Variants in TRERF1 observed in about 807,000 individuals in gnomAD.
TRERF1 encodes the protein transcriptional regulating factor 1.
In TRERF1, 27 loss-of-function variants were observed where a neutral mutation model predicts 122.9. The ratio of observed to expected loss-of-function variants is 0.22; its 90% CI spans 0.16 to 0.30. TRERF1 has a LOEUF of 0.30. Ranked by LOEUF, TRERF1 falls within the 10% of genes least tolerant of loss-of-function variation. The pLI is 1.00. For missense variants in TRERF1, 1,248 were observed against 1,560.3 expected, an observed-to-expected ratio of 0.80 and a Z score of 3.37; for synonymous variants, 636 against 641.7, an observed-to-expected ratio of 0.99 and a Z score of 0.13.
Position 42,259,411 on chromosome 6 carries a change from C to T in TRERF1, c.2197G>A (p.Gly733Ser), listed in dbSNP as rs893594749. Residue 733 changes from glycine (G) to serine (S), a missense_variant, in exon 9 of 18, where the codon GGC becomes AGC. Gly to Ser is a moderately conservative substitution (Grantham distance 56). Around this residue, in one of 5 missense-constraint regions of TRERF1, gnomAD observed 946 missense variants for 1,073.0 expected, o/e 0.88. Transcript: ENST00000372922. This position sits in a 1 kb window ranked among gnomAD's most constrained non-coding sequence, Gnocchi z 4.9. ...GGCAGCTGCGGGTGGGCGCCAGGGCCGTGGCCGGAGATGAGGACATTGCTG... is the reference window on the plus strand; with the variant it reads ...GGCAGCTGCGGGTGGGCGCCAGGGCTGTGGCCGGAGATGAGGACATTGCTG... 2.6e-6 allele frequency: 4 copies of T among 1,550,602 alleles called. No individual in the cohort carries two copies. Among genetic ancestry groups the T allele is most frequent in the Non-Finnish European group, 3.5e-6 (4 of 1,156,616 alleles).
chr6:42,280,466 C>T (rs900131458), intron 4 of TRERF1, among the ~76,000 whole-genome samples: 5 of 152,142 alleles, frequency 3.3e-5, no homozygotes, highest in Middle Eastern at 3.2e-3. Flanking sequence ...TGCTCGTCTC[C>T]GGGACTCAGC....
At chr6:42,308,310 A>T (rs1450479079) in intron 3 of TRERF1, among the ~76,000 whole-genome samples, 1 of 152,260 alleles carries the variant, frequency 6.6e-6, no homozygotes, top group Non-Finnish European at 1.5e-5. Flanking sequence ...ACACTAATAC[A>T]TGCAACAACA....
chr6:42,256,764 A>AGC lies in TRERF1; in HGVS notation c.2542_2543dup (p.His850CysfsTer11). On this transcript the variant is annotated frameshift_variant, in exon 12 of 18. Transcript: ENST00000372922. LOFTEE classifies it high-confidence loss of function. ...CTTTGGCCTCAAACAGAGAGTGCAA[A>AGC]GCAAATTCAGAATTGGTCCCTCCAC... 6.2e-7 allele frequency: 1 copy of AGC among 1,614,248 alleles called. No homozygotes were observed. The highest frequency in any genetic ancestry group is 8.5e-7 in the Non-Finnish European group (1 of 1,180,044).
chr6:42,359,674 A>C (rs375446977), intron 3 of TRERF1, among the ~76,000 whole-genome samples: 1 of 152,212 alleles, frequency 6.6e-6, no homozygotes, highest in East Asian at 1.9e-4. Flanking sequence ...CAGTGAGCCG[A>C]GATCGCACCA....
At chr6:42,396,017 T>C (rs1315096857) in intron 2 of TRERF1, among the ~76,000 whole-genome samples, 1 of 152,174 alleles carries the variant, frequency 6.6e-6, no homozygotes, top group Non-Finnish European at 1.5e-5. Context: ...CACACGTGTA[T>C]GTGTGCACAC....
At chr6:42,248,123 G>A (rs1348680289) in intron 13 of TRERF1, among the ~76,000 whole-genome samples, 2 of 152,118 alleles carry the variant, frequency 1.3e-5, no homozygotes, top group African/African-American at 4.8e-5. Flanking sequence ...GGGCAGGCAG[G>A]GGCCTCCTTA....
intron 2 of TRERF1, among the ~76,000 whole-genome samples, chr6:42,378,484 C>G (rs1775306107): frequency 6.6e-6 from 1 of 151,936 alleles, no homozygotes; most frequent in East Asian, 1.9e-4. Context: ...TTCAGCATAT[C>G]AAGAAAGTCA....
At chr6:42,406,413 A>G (rs1780184445) in intron 2 of TRERF1, among the ~76,000 whole-genome samples, 1 of 152,160 alleles carries the variant, frequency 6.6e-6, no homozygotes, top group Admixed American at 6.5e-5. Flanking sequence ...GGGCATTGGT[A>G]CAGAGGAAGG....
Position 42,269,507 on chromosome 6 carries a change from G to A in TRERF1, c.84C>T (p.Val28=). 1.2e-6 allele frequency: 2 copies of A among 1,614,240 alleles called. No individual in the cohort carries two copies. Among genetic ancestry groups the A allele is most frequent in the Non-Finnish European group, 1.7e-6 (2 of 1,180,040 alleles). Residue 28 remains valine (V), a synonymous_variant, in exon 5 of 18, where the codon GTC becomes GTT. Coordinates refer to ENST00000372922, the Ensembl canonical transcript of TRERF1. This position sits in a 1 kb window ranked among gnomAD's most constrained non-coding sequence, Gnocchi z 4.9. Reference sequence around the variant, plus strand: ...CATAGTTGTGGTTCAGCCCGCTGTGGACGCCAAGTGGTGGCTGTTGGTAGA... The same window carrying A: ...CATAGTTGTGGTTCAGCCCGCTGTGAACGCCAAGTGGTGGCTGTTGGTAGA...
intron 4 of TRERF1, among the ~76,000 whole-genome samples, chr6:42,290,905 C>T (rs767146603): frequency 4.5e-4 from 69 of 152,008 alleles, no homozygotes; most frequent in Admixed American, 5.9e-4. Context: ...GGCTTGGAGA[C>T]CAGTCTCCCT....
intron 3 of TRERF1, among the ~76,000 whole-genome samples, chr6:42,317,830 T>C (rs1218805071): frequency 1.3e-5 from 2 of 152,162 alleles, no homozygotes; most frequent in African/African-American, 2.4e-5. Flanking sequence ...TTTTGAATCC[T>C]GCTTATAAAA....
Position 42,276,906 on chromosome 6 carries a change from T to C in TRERF1, c.-258-7058A>G, listed in dbSNP as rs959795562. 6.6e-6 allele frequency among the ~76,000 whole-genome samples: 1 copy of C among 152,188 alleles called. No homozygotes were observed. The highest frequency in any genetic ancestry group is 2.4e-5 in the African/African-American group (1 of 41,450). ...GGGGATCAGTAGGAAGCCCGACGCA[T>C]AGCTCAGGAACCTGCAAAATGGAGG... On this transcript the variant is annotated intron_variant, in intron 4 of 17. Transcript: ENST00000372922. This position sits in a 1 kb window ranked among gnomAD's most constrained non-coding sequence, Gnocchi z 4.3.
intron 2 of TRERF1, among the ~76,000 whole-genome samples, chr6:42,423,506 T>C (rs1419189330): frequency 6.6e-6 from 1 of 152,028 alleles, no homozygotes; most frequent in Non-Finnish European, 1.5e-5. Flanking sequence ...ATCACACACC[T>C]GGCTGCAAAC....
chr6:42,298,340 G>C (rs1490694347), intron 4 of TRERF1, among the ~76,000 whole-genome samples: 1 of 151,258 alleles, frequency 6.6e-6, no homozygotes, highest in Non-Finnish European at 1.5e-5. Context: ...ATTTTTAGTA[G>C]AGATGGGGTT....
intron 2 of TRERF1, among the ~76,000 whole-genome samples, chr6:42,410,842 A>G (rs189572380): frequency 1.3e-5 from 2 of 152,280 alleles, no homozygotes; most frequent in Admixed American, 1.3e-4. Context: ...TCCACTGATG[A>G]CTTCTGCAGC....
intron 2 of TRERF1, among the ~76,000 whole-genome samples, chr6:42,450,750 C>T (rs1788331137): frequency 6.6e-6 from 1 of 152,210 alleles, no homozygotes; most frequent in Non-Finnish European, 1.5e-5. Flanking sequence ...ACATTTCTCC[C>T]ATCTGGGTGG....
At chr6:42,240,797 G>A (rs756525406) in intron 15 of TRERF1, among the ~76,000 whole-genome samples, 3 of 152,142 alleles carry the variant, frequency 2.0e-5, no homozygotes, top group East Asian at 3.8e-4. Context: ...TTAACATCCC[G>A]GGTTACCCAC....
intron 3 of TRERF1, among the ~76,000 whole-genome samples, chr6:42,326,737 T>C (rs1251671620): frequency 1.3e-5 from 2 of 152,134 alleles, no homozygotes; most frequent in Non-Finnish European, 2.9e-5. Flanking sequence ...TTGGCAAAAA[T>C]GATAGAAAGC....
At chr6:42,304,168 C>T (rs7773883) in intron 3 of TRERF1, among the ~76,000 whole-genome samples, 23,958 of 152,138 alleles carry the variant, frequency 0.16, 2,298 homozygotes, top group African/African-American at 0.27. Flanking sequence ...AGTGCTGACA[C>T]AGGGATGTGG....
Sources: allele counts gnomAD v4.1 joint callset (sites outside exome capture counted in the v4.1 genomes callset), GRCh38; gene constraint gnomAD v4.1.1; regional missense constraint gnomAD v4.1.1; non-coding constraint Gnocchi (gnomAD v3.1); transcripts MANE v1.5; gene names NCBI Gene and HGNC (gene_info 2026-07-23, HGNC 2026-07-21).